The following PRR5L variants were observed in gnomAD, a reference collection of about 807,000 sequenced individuals.
PRR5L encodes proline-rich protein 5-like.
Under a neutral mutation model 36.4 loss-of-function variants are expected in PRR5L, and 21 were observed. The ratio of observed to expected loss-of-function variants is 0.58; its 90% CI spans 0.41 to 0.83. PRR5L has a LOEUF of 0.83. Ranked by LOEUF, PRR5L falls within the 40% of genes least tolerant of loss-of-function variation. The probability of loss-of-function intolerance (pLI) is 0.00; values close to 1 mark genes in which losing one functional copy is unlikely to be tolerated. For missense variants in PRR5L, 381 were observed against 473.3 expected (o/e 0.80, Z 1.81); for synonymous variants, 188 against 197.0 (o/e 0.95, Z 0.38).
At chr11:36,374,783 A>G (rs1274382331) in intron 1 of PRR5L, among the ~76,000 whole-genome samples, 1 of 152,208 alleles carries the variant, frequency 6.6e-6, no homozygotes, top group Non-Finnish European at 1.5e-5. Flanking sequence ...CCATTTTCAT[A>G]TGAGTAAACT....
Position 36,377,343 on chromosome 11 carries a change from C to G in PRR5L, c.-125-23654C>G, listed in dbSNP as rs1857283996. 6.6e-6 allele frequency among the ~76,000 whole-genome samples: 1 copy of G among 152,204 alleles called. No homozygotes were observed. Among genetic ancestry groups the G allele is most frequent in the African/African-American group, 2.4e-5 (1 of 41,470 alleles). On this transcript the variant is annotated intron_variant, in intron 1 of 8. Transcript: ENST00000530639. This position sits in a 1 kb window ranked among gnomAD's most constrained non-coding sequence, Gnocchi z 5.1. ...AGCCCTGGGACGGCCCGGCTGCGGA[C>G]CCCGCGCTGGGAGTCCGCAGTATCC...
intron 1 of PRR5L, among the ~76,000 whole-genome samples, chr11:36,365,856 T>C (rs1363313278): frequency 1.3e-5 from 2 of 152,190 alleles, no homozygotes; most frequent in African/African-American, 4.8e-5. Context: ...AGAAGAGAGT[T>C]CTTTGTGAAG....
chr11:36,351,217 AATATATATATTT>A (rs1490183867), intron 1 of PRR5L, among the ~76,000 whole-genome samples: 12 of 88,894 alleles, frequency 1.3e-4, no homozygotes, highest in Middle Eastern at 0.015. Flanking sequence ...TAAATATATA[AATATATATATTT>A]ATATATATTT....
At chr11:36,437,557 GT>G in intron 6 of PRR5L, 81 bp downstream of exon 6, 1 of 800,996 alleles carries the variant, frequency 1.2e-6, no homozygotes. Context: ...AGGGCTCCTG[GT>G]AAATGGGAGA....
intron 8 of PRR5L, among the ~76,000 whole-genome samples, chr11:36,452,405 G>A (rs546839546): frequency 2.6e-4 from 40 of 152,328 alleles, no homozygotes; most frequent in South Asian, 6.2e-4. Flanking sequence ...AAGAGCCAGG[G>A]CCAGCTGGCA....
intron 3 of PRR5L, among the ~76,000 whole-genome samples, chr11:36,411,510 C>T (rs1858026436): frequency 6.6e-6 from 1 of 152,102 alleles, no homozygotes; most frequent in South Asian, 2.1e-4. Context: ...AACTTCACGC[C>T]CAGTTTCTCA....
At chr11:36,339,836 T>C (rs947146216) in intron 1 of PRR5L, among the ~76,000 whole-genome samples, 12 of 152,326 alleles carry the variant, frequency 7.9e-5, no homozygotes, top group Admixed American at 3.9e-4. Context: ...CCCACCCCAT[T>C]AGGAAGCTTT....
chr11:36,375,091 C>T (rs935925131), intron 1 of PRR5L, among the ~76,000 whole-genome samples: 2 of 151,998 alleles, frequency 1.3e-5, no homozygotes, highest in Non-Finnish European at 2.9e-5. Flanking sequence ...AATAATTAGC[C>T]GGGTATGGTG....
intron 1 of PRR5L, among the ~76,000 whole-genome samples, chr11:36,328,523 TTGA>T (rs1856687824): frequency 6.6e-6 from 1 of 152,176 alleles, no homozygotes; most frequent in Non-Finnish European, 1.5e-5. Flanking sequence ...TCCACCATGA[TTGA>T]AAGGTTCCTG....
intron 1 of PRR5L, among the ~76,000 whole-genome samples, chr11:36,332,226 A>C (rs1470268730): frequency 6.6e-6 from 1 of 152,214 alleles, no homozygotes; most frequent in Non-Finnish European, 1.5e-5. Flanking sequence ...AAACCCATGA[A>C]TGCCAACACC....
chr11:36,353,392 A>G (rs1323649084), intron 1 of PRR5L, among the ~76,000 whole-genome samples: 1 of 152,216 alleles, frequency 6.6e-6, no homozygotes, highest in Admixed American at 6.5e-5. Context: ...TCATTCATTT[A>G]GAATGAAATG....
At chr11:36,438,535 A>G (rs1416346415) in intron 6 of PRR5L, among the ~76,000 whole-genome samples, 1 of 152,186 alleles carries the variant, frequency 6.6e-6, no homozygotes, top group Non-Finnish European at 1.5e-5. Flanking sequence ...GTAAGATAGT[A>G]CAGATAGAAG....
At chr11:36,409,782 C>A (rs1857987580) in intron 3 of PRR5L, among the ~76,000 whole-genome samples, 1 of 152,364 alleles carries the variant, frequency 6.6e-6, no homozygotes, top group Non-Finnish European at 1.5e-5. Context: ...TCCCCACACC[C>A]TGTGAGATAG....
chr11:36,298,711 G>T (rs4756306), intron 1 of PRR5L, among the ~76,000 whole-genome samples: 1 of 152,044 alleles, frequency 6.6e-6, no homozygotes, highest in Non-Finnish European at 1.5e-5. Context: ...GGAGTTGGGG[G>T]CCCCGGGCTT....
chr11:36,435,911 G>C (rs1858595857), intron 5 of PRR5L, among the ~76,000 whole-genome samples: 2 of 152,200 alleles, frequency 1.3e-5, no homozygotes, highest in Admixed American at 1.3e-4. Flanking sequence ...ACCATGCTAA[G>C]CACTATGATG....
chr11:36,462,072 C>T (rs890575483), intron 8 of PRR5L, among the ~76,000 whole-genome samples: 1 of 152,186 alleles, frequency 6.6e-6, no homozygotes, highest in African/African-American at 2.4e-5. Flanking sequence ...ACCAGATTCC[C>T]TTGACTCTTA....
At chr11:36,391,709 T>C (rs553725697) in intron 1 of PRR5L, among the ~76,000 whole-genome samples, 14 of 152,358 alleles carry the variant, frequency 9.2e-5, no homozygotes, top group Non-Finnish European at 2.1e-4. Context: ...TGTGGGTACT[T>C]AGTGTGTATA....
intron 8 of PRR5L, among the ~76,000 whole-genome samples, chr11:36,458,141 CAA>C (rs1447497005): frequency 6.6e-6 from 1 of 152,228 alleles, no homozygotes; most frequent in Non-Finnish European, 1.5e-5. Flanking sequence ...CTCTTATCTC[CAA>C]AGAGGGGCGC....
At chr11:36,363,431 T>C (rs1857113407) in intron 1 of PRR5L, among the ~76,000 whole-genome samples, 1 of 152,256 alleles carries the variant, frequency 6.6e-6, no homozygotes, top group South Asian at 2.1e-4. Context: ...CAGAATTCAC[T>C]GTTAATAGCT....
Sources: gnomAD v4.1 joint callset for allele counts (sites outside exome capture counted in the v4.1 genomes callset) on GRCh38, gnomAD v4.1.1 for gene constraint, Gnocchi (gnomAD v3.1) non-coding constraint, MANE v1.5 for transcripts, NCBI Gene and HGNC (gene_info 2026-07-23, HGNC 2026-07-21) for gene names.